ARHGAP22: variants seen among roughly 807,000 people sequenced by gnomAD.
ARHGAP22 encodes the protein Rho GTPase activating protein 22, also known as rho GTPase-activating protein 22.
In ARHGAP22, 48 loss-of-function variants were observed where a neutral mutation model predicts 59.1. The ratio of observed to expected loss-of-function variants is 0.81; its 90% CI spans 0.64 to 1.03. The LOEUF (loss-of-function observed/expected upper bound fraction) is 1.03. ARHGAP22 is among the 50% of genes least tolerant of loss of function. ARHGAP22 has a pLI of 0.00. For missense variants in ARHGAP22, 1,015 were observed against 958.7 expected (o/e 1.06, Z -0.78); for synonymous variants, 445 against 416.4 (o/e 1.07, Z -0.84).
At chr10:48,536,339 A>G (rs576713716) in intron 3 of ARHGAP22, among the ~76,000 whole-genome samples, 2 of 152,354 alleles carry the variant, frequency 1.3e-5, no homozygotes, top group African/African-American at 2.4e-5. Context: ...AGGGCTGCCA[A>G]GTCTCTGCAG....
At chr10:48,571,990 C>T (rs1005453563) in intron 2 of ARHGAP22, among the ~76,000 whole-genome samples, 4 of 152,170 alleles carry the variant, frequency 2.6e-5, no homozygotes, top group Admixed American at 1.3e-4. Context: ...CAAATAAATA[C>T]ACTCTTGGCC....
chr10:48,610,047 G>A (rs1392364618), upstream of ARHGAP22, among the ~76,000 whole-genome samples: 1 of 152,142 alleles, frequency 6.6e-6, no homozygotes, highest in Non-Finnish European at 1.5e-5. Context: ...AGAGGGAATG[G>A]CCTTTCTCTC....
At chr10:48,607,198 C>T (rs78348372), upstream of ARHGAP22, among the ~76,000 whole-genome samples, 7,514 of 152,180 alleles carry the variant, frequency 0.049, 615 homozygotes, top group African/African-American at 0.17. Flanking sequence ...GGTCCACTCA[C>T]GCTTGTTTTG....
intron 2 of ARHGAP22, among the ~76,000 whole-genome samples, chr10:48,561,993 G>A (rs909858566): frequency 1.7e-4 from 26 of 152,180 alleles, no homozygotes; most frequent in Admixed American, 1.3e-3. Flanking sequence ...TTGGGGGGCC[G>A]AGGTGGGCAG....
intron 3 of ARHGAP22, among the ~76,000 whole-genome samples, chr10:48,524,802 C>T (rs1296389963): frequency 6.6e-6 from 1 of 152,174 alleles, no homozygotes; most frequent in African/African-American, 2.4e-5. Flanking sequence ...GAGACTGTTT[C>T]CTCACCTGAA....
intron 7 of ARHGAP22, 26 bp from the exon 8 acceptor site, chr10:48,453,451 T>C: frequency 6.2e-7 from 1 of 1,612,494 alleles, no homozygotes; most frequent in Non-Finnish European, 8.5e-7. Context: ...GCAGCAGTCA[T>C]CAAAGAAGCA....
Position 48,621,562 on chromosome 10 carries a change from A to T in ARHGAP22, c.52+30672T>A, listed in dbSNP as rs111881993. 9.5e-3 allele frequency among the ~76,000 whole-genome samples: 1,448 copies of T among 152,340 alleles called. 13 individuals carry two copies. Among genetic ancestry groups the T allele is most frequent in the Non-Finnish European group, 0.014 (953 of 68,032 alleles). On this transcript the variant is annotated intron_variant, in intron 1 of 9. Transcript: ENST00000435790. The stretch of plus-strand genomic sequence containing the variant: ...ACTATTGTTTATCCTAGTATCCTCC[A>T]TCTAAAATCTATTCATCCCTAGATA...
chr10:48,470,096 C>T lies in ARHGAP22; in HGVS notation c.451+9540G>A, dbSNP rs3867451. Among the ~76,000 whole-genome samples, 38 of 152,254 alleles carry T rather than the reference C, an allele frequency of 2.5e-4. No homozygotes were observed. The South Asian group carries it at 7.7e-3, about 31-fold the overall frequency. On this transcript the variant is annotated intron_variant, in intron 4 of 9. Transcript: ENST00000249601. Reference sequence around the variant, plus strand: ...TGCTGGGGTCCCCAGGGGTTCATCCCCATCTTATCAATAATGGAGACAAAC... The same window carrying T: ...TGCTGGGGTCCCCAGGGGTTCATCCTCATCTTATCAATAATGGAGACAAAC...
At chr10:48,622,152 G>A (rs1589211313) in intron 1 of ARHGAP22, among the ~76,000 whole-genome samples, 1 of 152,188 alleles carries the variant, frequency 6.6e-6, no homozygotes, top group East Asian at 1.9e-4. Context: ...TGTAACTGCT[G>A]TTAAGGAAGG....
intron 3 of ARHGAP22, among the ~76,000 whole-genome samples, chr10:48,501,793 G>A (rs151069544): frequency 0.013 from 2,032 of 151,942 alleles, 21 homozygotes; most frequent in Middle Eastern, 0.02. Context: ...GGGATGCTCC[G>A]TTACTATGTG....
the ARHGAP22 span, chr10:48,435,042 TC>T: frequency 2.4e-6 from 1 of 420,634 alleles, no homozygotes. Flanking sequence ...ACTTGGGCCA[TC>T]GGGGGGTGGG....
At chr10:48,432,870 G>A in the ARHGAP22 span, among the ~76,000 whole-genome samples, 2 of 152,148 alleles carry the variant, frequency 1.3e-5, no homozygotes, top group East Asian at 1.9e-4. Context: ...TTGCAAAGAC[G>A]AGTATTAGCA....
rs577516275 is a variant in ARHGAP22, at chr10:48,589,790, C to A, written c.35-6638G>T. On this transcript the variant is annotated intron_variant, in intron 1 of 9. Transcript: ENST00000249601. The stretch of plus-strand genomic sequence containing the variant: ...CTTAGCTCCTGCCTTCCACAAGATT[C>A]TCCAAAATAGATATGCAGCTACTAA... Among the ~76,000 whole-genome samples the A allele has an allele frequency of 1.9e-4, 29 of 152,294 alleles. No individual in the cohort carries two copies. In the East Asian group the frequency reaches 5.4e-3, roughly 28 times the overall value.
chr10:48,498,252 AC>A (rs2051149339), intron 3 of ARHGAP22, among the ~76,000 whole-genome samples: 1 of 152,038 alleles, frequency 6.6e-6, no homozygotes, highest in South Asian at 2.1e-4. Flanking sequence ...CCCTGCAGGG[AC>A]CACGGCAGCC....
At chr10:48,614,085 T>A (rs1012933037) in intron 1 of ARHGAP22, among the ~76,000 whole-genome samples, 8 of 152,248 alleles carry the variant, frequency 5.3e-5, no homozygotes, top group African/African-American at 7.2e-5. Flanking sequence ...AATACATTTA[T>A]GTTCACTATA....
At chr10:48,639,552 C>T (rs11817161) in intron 1 of ARHGAP22, among the ~76,000 whole-genome samples, 7,555 of 152,274 alleles carry the variant, frequency 0.05, 548 homozygotes, top group African/African-American at 0.17. Context: ...TGTCTCATCA[C>T]TGGCTGATTA....
chr10:48,627,135 C>T (rs2061479200), intron 1 of ARHGAP22, among the ~76,000 whole-genome samples: 2 of 152,222 alleles, frequency 1.3e-5, no homozygotes, highest in South Asian at 4.1e-4. Flanking sequence ...GCCCCTCCCT[C>T]TTCCCTGGCC....
At chr10:48,524,941 T>C (rs966865465) in intron 3 of ARHGAP22, among the ~76,000 whole-genome samples, 1 of 152,168 alleles carries the variant, frequency 6.6e-6, no homozygotes, top group African/African-American at 2.4e-5. Context: ...CTTCACCGGA[T>C]GGTTGTGTCA....
At chr10:48,459,398 A>G (rs2046913995) in intron 5 of ARHGAP22, among the ~76,000 whole-genome samples, 1 of 152,168 alleles carries the variant, frequency 6.6e-6, no homozygotes, top group Non-Finnish European at 1.5e-5. Flanking sequence ...CTCACATGGG[A>G]GCCAGCAGAG....
Sources: gnomAD v4.1 joint callset for allele counts (sites outside exome capture counted in the v4.1 genomes callset) on GRCh38, gnomAD v4.1.1 for gene constraint, MANE v1.5 for transcripts, NCBI Gene and HGNC (gene_info 2026-07-23, HGNC 2026-07-21) for gene names.